Variants in SYNPR observed in about 807,000 individuals in gnomAD.
The protein encoded by SYNPR is synaptoporin.
In SYNPR, 23 loss-of-function variants were observed where a neutral mutation model predicts 32.9. The observed-to-expected ratio is 0.70, with a 90% CI of 0.50 to 0.99. SYNPR has a LOEUF of 0.99. Among genes scored for constraint, SYNPR ranks in the 50% least tolerant of loss-of-function variants. The pLI is 0.00. For synonymous variants in SYNPR, 146 were observed against 135.9 expected, an observed-to-expected ratio of 1.07 and a Z score of -0.52; for missense variants, 318 against 349.3, an observed-to-expected ratio of 0.91 and a Z score of 0.71.
In SYNPR at chr3:63,442,178, T is replaced by TGTGTGC. The variant is rs1700190063; in HGVS notation, c.85-38649_85-38648insCGTGTG. Among the ~76,000 whole-genome samples the TGTGTGC allele has an allele frequency of 3.3e-5, 5 of 149,512 alleles. No individual in the cohort carries two copies. The South Asian group carries it at 1.0e-3, about 31-fold the overall frequency. ...ATGGTAGTGATAGTGTGTGTGTGTG[T>TGTGTGC]GTGTGTGTGCACGCATGAAAGAGAG... On this transcript the variant is annotated intron_variant, in intron 2 of 5. Coordinates refer to ENST00000478300, the MANE Select transcript of SYNPR (RefSeq NM_001130003.2).
intron 2 of SYNPR, among the ~76,000 whole-genome samples, chr3:63,253,127 C>A (rs573019986): frequency 1.3e-5 from 2 of 151,486 alleles, no homozygotes; most frequent in African/African-American, 4.8e-5. Context: ...ATTTATAGAA[C>A]TGTTTTTAGA....
At chr3:63,224,755 G>A (rs1267994750), upstream of SYNPR, among the ~76,000 whole-genome samples, 1 of 152,142 alleles carries the variant, frequency 6.6e-6, no homozygotes, top group African/African-American at 2.4e-5. Flanking sequence ...AGGATAACAG[G>A]GTGGCATGAA....
intron 3 of SYNPR, among the ~76,000 whole-genome samples, chr3:63,268,904 G>A (rs936466144): frequency 7.9e-5 from 12 of 152,280 alleles, no homozygotes; most frequent in South Asian, 2.1e-4. Context: ...TGCACTGTGC[G>A]AATGCTAGAA....
At chr3:63,225,577 G>C (rs2086122272), upstream of SYNPR, among the ~76,000 whole-genome samples, 1 of 152,140 alleles carries the variant, frequency 6.6e-6, no homozygotes, top group Admixed American at 6.6e-5. Flanking sequence ...AGGAAAGGGA[G>C]CAGAAGGGAA....
At chr3:63,482,223 T>C (rs1324349673) in intron 3 of SYNPR, among the ~76,000 whole-genome samples, 1 of 152,290 alleles carries the variant, frequency 6.6e-6, no homozygotes, top group East Asian at 1.9e-4. Flanking sequence ...TTCCCAAGAC[T>C]ACAAATTCAA....
intron 3 of SYNPR, among the ~76,000 whole-genome samples, chr3:63,540,841 G>A (rs942432730): frequency 6.7e-6 from 1 of 148,254 alleles, no homozygotes; most frequent in Non-Finnish European, 1.5e-5. Context: ...TCTTTTTAAT[G>A]AAGAACCCAT....
At position 63,508,066 on chromosome 3, in the gene SYNPR, T is replaced by TAA. The variant is rs529041882; in HGVS notation, c.209+27110_209+27111insAA. On this transcript the variant is annotated intron_variant, in intron 3 of 5. Transcript: ENST00000478300. ...TGATATCGTCAACATTCTTTTGTAC[T>TAA]GTCTTCAAAATCCAGATTCAATTCA... is the stretch of plus-strand genomic sequence containing the variant. Among the ~76,000 whole-genome samples the TAA allele has an allele frequency of 1.1e-3, 170 of 152,304 alleles. 1 individual carries two copies. The highest frequency in any genetic ancestry group is 3.6e-3 in the African/African-American group (148 of 41,576).
chr3:63,394,277 T>C (rs2088183842), intron 2 of SYNPR, among the ~76,000 whole-genome samples: 1 of 152,224 alleles, frequency 6.6e-6, no homozygotes, highest in Non-Finnish European at 1.5e-5. Flanking sequence ...ATACATTTTT[T>C]AGTTCTATTT....
At chr3:63,605,868 G>A (rs1040385482) in intron 4 of SYNPR, among the ~76,000 whole-genome samples, 2 of 152,340 alleles carry the variant, frequency 1.3e-5, no homozygotes, top group East Asian at 3.9e-4. Context: ...GGCCTATGCC[G>A]CTGGAGTGAT....
chr3:63,588,772 G>C (rs1447232396), intron 4 of SYNPR, among the ~76,000 whole-genome samples: 1 of 152,004 alleles, frequency 6.6e-6, no homozygotes, highest in Non-Finnish European at 1.5e-5. Flanking sequence ...GGGTACCAGG[G>C]TCCAGAAAGG....
At chr3:63,290,594 G>A (rs1054271018) in intron 2 of SYNPR, among the ~76,000 whole-genome samples, 1 of 151,896 alleles carries the variant, frequency 6.6e-6, no homozygotes, top group African/African-American at 2.4e-5. Flanking sequence ...TTTATTCACT[G>A]ATCCGTTGTA....
At chr3:63,588,778 A>C (rs1703246904) in intron 4 of SYNPR, among the ~76,000 whole-genome samples, 1 of 152,060 alleles carries the variant, frequency 6.6e-6, no homozygotes, top group Admixed American at 6.6e-5. Flanking sequence ...CAGGGTCCAG[A>C]AAGGCAGGAG....
chr3:63,396,900 C>T (rs1421449191), intron 2 of SYNPR, among the ~76,000 whole-genome samples: 1 of 151,996 alleles, frequency 6.6e-6, no homozygotes, highest in Non-Finnish European at 1.5e-5. Context: ...GTCAGGAGAT[C>T]GAGACCATGC....
At chr3:63,242,311 G>A (rs1197957045) in intron 1 of SYNPR, among the ~76,000 whole-genome samples, 1 of 151,900 alleles carries the variant, frequency 6.6e-6, no homozygotes, top group African/African-American at 2.4e-5. Context: ...GTACCGAGAG[G>A]GTACCCCAGG....
At chr3:63,500,120 G>A (rs57780067) in intron 3 of SYNPR, among the ~76,000 whole-genome samples, 5,859 of 152,226 alleles carry the variant, frequency 0.038, 139 homozygotes, top group South Asian at 0.097. Context: ...CCAGTTTGGA[G>A]CATGGTTTTT....
chr3:63,252,508 G>C (rs1306617420), exon 2 of SYNPR: 1 of 152,148 alleles, frequency 6.6e-6, no homozygotes, highest in Non-Finnish European at 1.5e-5. Context: ...GTTACAAAGA[G>C]TGTTACACTG....
chr3:63,461,266 T>C lies in SYNPR; in HGVS notation c.85-19566T>C, dbSNP rs80100129. On this transcript the variant is annotated intron_variant, in intron 2 of 5. Transcript: ENST00000478300. ...TCATTGGACTTGTAGCATTAAGAAA[T>C]GAGAACATTATAATAATCATTATCA... Among the ~76,000 whole-genome samples, 744 of 152,186 alleles carry C rather than the reference T, an allele frequency of 4.9e-3. 6 individuals are homozygous for C. Among genetic ancestry groups the C allele is most frequent in the African/African-American group, 0.017 (725 of 41,538 alleles).
At chr3:63,312,064 G>A (rs546836591) in intron 2 of SYNPR, among the ~76,000 whole-genome samples, 1 of 151,904 alleles carries the variant, frequency 6.6e-6, no homozygotes, top group African/African-American at 2.4e-5. Context: ...CCCTCCATTA[G>A]CAATATGACA....
intron 1 of SYNPR, among the ~76,000 whole-genome samples, chr3:63,246,737 C>A (rs575671879): frequency 6.6e-6 from 1 of 152,154 alleles, no homozygotes; most frequent in African/African-American, 2.4e-5. Context: ...GCTGTAAATA[C>A]TTGAAATGCT....
Sources: gnomAD v4.1 joint callset for allele counts (sites outside exome capture counted in the v4.1 genomes callset) on GRCh38, gnomAD v4.1.1 for gene constraint, MANE v1.5 for transcripts, NCBI Gene and HGNC (gene_info 2026-07-23, HGNC 2026-07-21) for gene names.